PRDM5: variants seen among roughly 807,000 people sequenced by gnomAD.
The protein encoded by PRDM5 is PR domain zinc finger protein 5.
PRDM5 carries 56 observed loss-of-function variants against 81.2 expected under a neutral mutation model. The observed-to-expected ratio is 0.69, with a 90% confidence interval of 0.56 to 0.86. The LOEUF (loss-of-function observed/expected upper bound fraction) is 0.86. Ranked by LOEUF, PRDM5 falls within the 40% of genes least tolerant of loss-of-function variation. The pLI is 0.00. For missense variants in PRDM5, 697 were observed against 770.1 expected (o/e 0.91, Z 1.12); for synonymous variants, 267 against 256.4 (o/e 1.04, Z -0.39).
At chr4:120,866,819 T>A (rs187846530) in intron 2 of PRDM5, among the ~76,000 whole-genome samples, 1 of 152,288 alleles carries the variant, frequency 6.6e-6, no homozygotes, top group African/African-American at 2.4e-5. Flanking sequence ...CATTTGAGTA[T>A]GAAAGAAACC....
At chr4:120,797,585 A>G (rs1041329581) in intron 10 of PRDM5, among the ~76,000 whole-genome samples, 2 of 152,218 alleles carry the variant, frequency 1.3e-5, no homozygotes, top group Non-Finnish European at 1.5e-5. Flanking sequence ...TAGGATAATT[A>G]CATGCTTTTG....
At chr4:120,791,369 T>A (rs563927271) in intron 10 of PRDM5, among the ~76,000 whole-genome samples, 1 of 152,328 alleles carries the variant, frequency 6.6e-6, no homozygotes, top group Admixed American at 6.5e-5. Flanking sequence ...GATACATATG[T>A]GTCATAGTAC....
chr4:120,868,498 T>A (rs1387870153), intron 2 of PRDM5, among the ~76,000 whole-genome samples: 1 of 152,178 alleles, frequency 6.6e-6, no homozygotes, highest in Non-Finnish European at 1.5e-5. Context: ...ATTTCTAGAT[T>A]AAGGGCCTAT....
At position 120,788,654 on chromosome 4, in the gene PRDM5, G is replaced by A. The variant is rs144163139; in HGVS notation, c.1189-3563C>T. ...GGACATAACATGACTTAAGGAACAT[G>A]ACTTAAGTTGCTTAATTATGAAAGA... On this transcript the variant is annotated intron_variant, in intron 10 of 15. Transcript: ENST00000264808. Among the ~76,000 whole-genome samples the A allele has an allele frequency of 5.3e-4, 80 of 152,248 alleles. No individual in the cohort carries two copies. The East Asian group carries it at 0.012, about 24-fold the overall frequency.
rs1015915402 is a variant in PRDM5 at position 120,847,815 on chromosome 4, G to T, written c.300+5603C>A. On this transcript the variant is annotated intron_variant, in intron 3 of 15. Transcript: ENST00000264808. Reference sequence around the variant, plus strand: ...AACCTTCATATTAGTCAAAGATAAGGTTATAAAAGATTCTGTTTTACCGCT... The same window carrying T: ...AACCTTCATATTAGTCAAAGATAAGTTTATAAAAGATTCTGTTTTACCGCT... Among the ~76,000 whole-genome samples the T allele has an allele frequency of 7.4e-4, 112 of 150,892 alleles. 2 individuals carry two copies. Among genetic ancestry groups the T allele is most frequent in the African/African-American group, 2.6e-3 (109 of 41,416 alleles).
intron 14 of PRDM5, among the ~76,000 whole-genome samples, chr4:120,730,533 G>A (rs761314619): frequency 7.9e-5 from 12 of 152,130 alleles, no homozygotes; most frequent in Non-Finnish European, 1.5e-4. Context: ...AAAATTCTCT[G>A]AATAGAGAAC....
Position 120,814,612 on chromosome 4 carries a change from AC to A in PRDM5, c.865+1840del, listed in dbSNP as rs201544333. Among the ~76,000 whole-genome samples the A allele has an allele frequency of 3.9e-4, 60 of 152,318 alleles. No individual in the cohort carries two copies. The East Asian group carries it at 5.6e-3, about 14-fold the overall frequency. The stretch of plus-strand genomic sequence containing the variant: ...CAATTCATATCACCTTAACAAAAAA[AC>A]ATTTGCCATCAAAGATCTCTTTCTT... On this transcript the variant is annotated intron_variant, in intron 7 of 15. Coordinates refer to ENST00000264808, the MANE Select transcript of PRDM5 (RefSeq NM_018699.4).
intron 13 of PRDM5, 148 bp downstream of exon 13, chr4:120,777,040 C>A: frequency 1.4e-6 from 2 of 1,427,294 alleles, no homozygotes; most frequent in Admixed American, 2.6e-5. Context: ...GATGAAAAAA[C>A]TGGGTTGTAC....
intron 14 of PRDM5, among the ~76,000 whole-genome samples, chr4:120,737,876 A>G (rs894151221): frequency 6.6e-6 from 1 of 152,198 alleles, no homozygotes; most frequent in Non-Finnish European, 1.5e-5. Flanking sequence ...TTGCTCAGTT[A>G]ATTTGGTAAA....
intron 2 of PRDM5, chr4:120,896,441 G>A (rs1764621610): frequency 6.6e-6 from 1 of 152,012 alleles, no homozygotes; most frequent in East Asian, 1.9e-4. Context: ...TAAAGAGATA[G>A]CACAGCATCT....
At chr4:120,900,056 GCTTCCATGCC>G (rs1765069577) in intron 2 of PRDM5, among the ~76,000 whole-genome samples, 2 of 152,186 alleles carry the variant, frequency 1.3e-5, no homozygotes, top group African/African-American at 2.4e-5. Context: ...GGGACGCAAA[GCTTCCATGCC>G]CTCTCCGGGT....
chr4:120,903,119 G>A (rs1765397808), intron 2 of PRDM5, among the ~76,000 whole-genome samples: 1 of 152,130 alleles, frequency 6.6e-6, no homozygotes, highest in South Asian at 2.1e-4. Flanking sequence ...CTACCACCAG[G>A]TTCTGGTTCA....
At chr4:120,862,711 C>T (rs1403152896) in intron 2 of PRDM5, among the ~76,000 whole-genome samples, 1 of 152,158 alleles carries the variant, frequency 6.6e-6, no homozygotes, top group Non-Finnish European at 1.5e-5. Flanking sequence ...TTATGTTGAA[C>T]ACCTGTCTTC....
At chr4:120,805,776 C>T (rs1752825259) in intron 8 of PRDM5, among the ~76,000 whole-genome samples, 1 of 152,138 alleles carries the variant, frequency 6.6e-6, no homozygotes, top group Admixed American at 6.5e-5. Context: ...GAAGCATTCC[C>T]TTTGTAAATT....
At chr4:120,860,235 T>G (rs1760409521) in intron 2 of PRDM5, among the ~76,000 whole-genome samples, 1 of 152,190 alleles carries the variant, frequency 6.6e-6, no homozygotes, top group African/African-American at 2.4e-5. Context: ...AATAAATATT[T>G]TATTAACTAA....
intron 10 of PRDM5, among the ~76,000 whole-genome samples, chr4:120,794,530 C>T (rs1751060664): frequency 6.6e-6 from 1 of 150,430 alleles, no homozygotes; most frequent in Non-Finnish European, 1.5e-5. Flanking sequence ...CACACACACA[C>T]ACACACACAC....
At chr4:120,734,578 G>A (rs1189243720) in intron 14 of PRDM5, among the ~76,000 whole-genome samples, 1 of 152,182 alleles carries the variant, frequency 6.6e-6, no homozygotes, top group African/African-American at 2.4e-5. Flanking sequence ...GATTCAGACA[G>A]AGCATGTGAT....
chr4:120,823,212 T>C (rs959833343), intron 3 of PRDM5, among the ~76,000 whole-genome samples: 2 of 152,198 alleles, frequency 1.3e-5, no homozygotes, highest in Non-Finnish European at 1.5e-5. Context: ...ATGGTTTTGA[T>C]AGCACCAAGG....
chr4:120,918,964 C>G (rs1018028433), intron 1 of PRDM5, among the ~76,000 whole-genome samples: 4 of 152,174 alleles, frequency 2.6e-5, no homozygotes, highest in Admixed American at 1.3e-4. Flanking sequence ...GTGGCCAGCC[C>G]ACAGGCTGGG....
Sources: allele counts gnomAD v4.1 joint callset (sites outside exome capture counted in the v4.1 genomes callset), GRCh38; gene constraint gnomAD v4.1.1; transcripts MANE v1.5; gene names NCBI Gene and HGNC (gene_info 2026-07-23, HGNC 2026-07-21).